Variants in FBXO4 observed in about 807,000 individuals in gnomAD.
FBXO4 encodes the protein F-box only protein 4.
FBXO4 carries 36 observed loss-of-function variants against 43.7 expected under a neutral mutation model. The ratio of observed to expected loss-of-function variants is 0.82; its 90% CI spans 0.63 to 1.09. FBXO4 has a LOEUF of 1.09. Ranked by LOEUF, FBXO4 falls within the 50% of genes least tolerant of loss-of-function variation. The pLI, the probability that FBXO4 is intolerant of heterozygous loss-of-function variation, is 0.00. For synonymous variants in FBXO4, 180 were observed against 165.6 expected (o/e 1.09, Z -0.67); for missense variants, 435 against 474.1 (o/e 0.92, Z 0.77).
At chr5:41,945,803 C>G (rs1173759971), downstream of FBXO4, among the ~76,000 whole-genome samples, 1 of 152,148 alleles carries the variant, frequency 6.6e-6, no homozygotes, top group Non-Finnish European at 1.5e-5. Context: ...TCTGGTCTAA[C>G]CGGTTGTCTA....
At chr5:41,962,252 T>C in the FBXO4 span, among the ~76,000 whole-genome samples, 1 of 152,232 alleles carries the variant, frequency 6.6e-6, no homozygotes, top group African/African-American at 2.4e-5. Context: ...TTAGCTAGAT[T>C]TGGGACCTGA....
At chr5:41,984,268 A>G in the FBXO4 span, among the ~76,000 whole-genome samples, 1 of 152,178 alleles carries the variant, frequency 6.6e-6, no homozygotes, top group African/African-American at 2.4e-5. Context: ...GAAAATGAAA[A>G]AAGAGAACTT....
the FBXO4 span, among the ~76,000 whole-genome samples, chr5:41,988,356 A>G: frequency 6.6e-6 from 1 of 152,148 alleles, no homozygotes; most frequent in Non-Finnish European, 1.5e-5. Context: ...CTTTTTAGGA[A>G]GAAGGGAATG....
At chr5:41,964,268 G>A in the FBXO4 span, among the ~76,000 whole-genome samples, 3 of 152,048 alleles carry the variant, frequency 2.0e-5, no homozygotes, top group African/African-American at 7.2e-5. Flanking sequence ...TATATGGTTT[G>A]CCATTTTATT....
At chr5:41,950,574 A>G in the FBXO4 span, among the ~76,000 whole-genome samples, 1 of 152,218 alleles carries the variant, frequency 6.6e-6, no homozygotes, top group East Asian at 1.9e-4. Context: ...CAGATTCTAG[A>G]GAGGATGTGG....
chr5:41,975,494 G>C, the FBXO4 span, among the ~76,000 whole-genome samples: 6 of 152,168 alleles, frequency 3.9e-5, no homozygotes, highest in East Asian at 1.2e-3. Flanking sequence ...ATTAATGAGA[G>C]ACTGGTTAAC....
chr5:42,000,406 C>A, the FBXO4 span, among the ~76,000 whole-genome samples: 26 of 152,100 alleles, frequency 1.7e-4, no homozygotes, highest in Non-Finnish European at 2.9e-5. Context: ...AGAAAAATAT[C>A]TTTTCAGTTC....
chr5:41,995,216 G>A, the FBXO4 span, among the ~76,000 whole-genome samples: 2 of 152,214 alleles, frequency 1.3e-5, no homozygotes, highest in Non-Finnish European at 2.9e-5. Context: ...GTGGAATACT[G>A]TGACAGTGAA....
the FBXO4 span, among the ~76,000 whole-genome samples, chr5:41,961,068 A>G: frequency 6.6e-6 from 1 of 152,086 alleles, no homozygotes; most frequent in Admixed American, 6.6e-5. Context: ...TTCTGTGGAA[A>G]GATCTCTCCC....
chr5:41,939,656 G>A lies in FBXO4; in HGVS notation c.1074+40G>A, dbSNP rs1033060601. 2.7e-6 allele frequency: 4 copies of A among 1,477,488 alleles called. No individual in the cohort carries two copies. The African/African-American group carries it at 4.2e-5, about 16-fold the overall frequency. 91.5% of individuals were successfully genotyped at this position (1,477,488 alleles called of 1,614,324 possible). ...ACTCTAGTGACAAAAATTTTATTTT[G>A]CACTCTATTTTCTATTTGATTTTAT... On this transcript the variant is annotated intron_variant, in intron 6 of 6. Transcript: ENST00000281623.
chr5:41,965,879 G>A, the FBXO4 span, among the ~76,000 whole-genome samples: 1 of 152,180 alleles, frequency 6.6e-6, no homozygotes, highest in Non-Finnish European at 1.5e-5. Flanking sequence ...ATTCACAATA[G>A]CAAAGACTTG....
chr5:41,934,531 G>A (rs1751798385), intron 5 of FBXO4: 1 of 1,371,784 alleles, frequency 7.3e-7, no homozygotes, highest in Non-Finnish European at 9.5e-7. Context: ...TACCCTGGTG[G>A]ATTTTATTCC....
the FBXO4 span, among the ~76,000 whole-genome samples, chr5:42,015,687 G>A: frequency 6.6e-6 from 1 of 151,674 alleles, no homozygotes; most frequent in Non-Finnish European, 1.5e-5. Flanking sequence ...AATGGTCAAA[G>A]GGAATTTGAT....
chr5:42,006,654 G>A, the FBXO4 span, among the ~76,000 whole-genome samples: 21 of 151,720 alleles, frequency 1.4e-4, no homozygotes, highest in Non-Finnish European at 2.7e-4. Context: ...AAAGGAAGAA[G>A]GGTCTTAATA....
chr5:42,020,659 A>C, the FBXO4 span, among the ~76,000 whole-genome samples: 4 of 152,182 alleles, frequency 2.6e-5, no homozygotes, highest in Non-Finnish European at 4.4e-5. Context: ...ATTGCTGTAC[A>C]TCCAGCTTTC....
At chr5:41,960,838 G>T in the FBXO4 span, among the ~76,000 whole-genome samples, 3 of 151,944 alleles carry the variant, frequency 2.0e-5, no homozygotes, top group African/African-American at 7.3e-5. Context: ...TTTTCTTGAA[G>T]TTTATGGAAT....
the FBXO4 span, among the ~76,000 whole-genome samples, chr5:41,952,395 A>G: frequency 1.3e-5 from 2 of 152,238 alleles, no homozygotes; most frequent in African/African-American, 2.4e-5. Flanking sequence ...GTCCATTTAT[A>G]AAAATTGACT....
chr5:41,932,182 T>C (rs530723387), intron 3 of FBXO4, among the ~76,000 whole-genome samples: 2 of 152,324 alleles, frequency 1.3e-5, no homozygotes, highest in Admixed American at 6.5e-5. Context: ...AAAATTTCAA[T>C]TTATGGCTCA....
chr5:41,977,610 T>C, the FBXO4 span, among the ~76,000 whole-genome samples: 1 of 152,130 alleles, frequency 6.6e-6, no homozygotes, highest in African/African-American at 2.4e-5. Flanking sequence ...ATTTCTCTTT[T>C]CCATCTGAGA....
Sources: gnomAD v4.1 joint callset for allele counts (sites outside exome capture counted in the v4.1 genomes callset) on GRCh38, gnomAD v4.1.1 for gene constraint, MANE v1.5 for transcripts, NCBI Gene and HGNC (gene_info 2026-07-23, HGNC 2026-07-21) for gene names.